Variants in GPC6 observed in about 807,000 individuals in gnomAD.
GPC6 encodes glypican 6, also known as glypican-6.
A neutral mutation model predicts 55.2 loss-of-function variants in GPC6; 14 were observed. That is an observed-to-expected ratio of 0.25 (90% confidence interval 0.17 to 0.40). GPC6 has a LOEUF of 0.40. Ranked by LOEUF, GPC6 falls within the 10% of genes least tolerant of loss-of-function variation. The pLI is 1.00. For synonymous variants in GPC6, 278 were observed against 259.6 expected (o/e 1.07, Z -0.68); for missense variants, 641 against 708.5 (o/e 0.90, Z 1.08).
chr13:93,338,953 G>C (rs17234404), intron 1 of GPC6, among the ~76,000 whole-genome samples: 15,313 of 152,120 alleles, frequency 0.1, 1,001 homozygotes, highest in South Asian at 0.23. Context: ...ATCTATTCTT[G>C]GTGCTGTTTT....
chr13:93,507,629 C>G (rs1880786200), intron 1 of GPC6, among the ~76,000 whole-genome samples: 1 of 152,116 alleles, frequency 6.6e-6, no homozygotes, highest in Admixed American at 6.5e-5. Flanking sequence ...GATAATTTGT[C>G]TTTTTATGTT....
chr13:93,360,050 A>G (rs2139176078), intron 1 of GPC6, among the ~76,000 whole-genome samples: 1 of 152,310 alleles, frequency 6.6e-6, no homozygotes, highest in African/African-American at 2.4e-5. Flanking sequence ...GAAACTCAGG[A>G]ACATGATTGT....
intron 1 of GPC6, among the ~76,000 whole-genome samples, chr13:93,434,993 C>T (rs1358742868): frequency 6.6e-6 from 1 of 152,220 alleles, no homozygotes; most frequent in Non-Finnish European, 1.5e-5. Context: ...GTGTGAGCCA[C>T]TATGCCCAGC....
intron 4 of GPC6, among the ~76,000 whole-genome samples, chr13:94,206,423 G>GT (rs1889903796): frequency 1.3e-5 from 2 of 151,956 alleles, no homozygotes; most frequent in African/African-American, 2.4e-5. Context: ...AGTAGTGTTC[G>GT]TTTAATTTTC....
chr13:94,256,263 G>A (rs933827649), intron 4 of GPC6, among the ~76,000 whole-genome samples: 5 of 152,178 alleles, frequency 3.3e-5, no homozygotes, highest in East Asian at 3.9e-4. Context: ...CAGGGCAGGG[G>A]AGTTCAAGTG....
intron 2 of GPC6, among the ~76,000 whole-genome samples, chr13:93,651,800 G>T (rs1178767371): frequency 6.6e-6 from 1 of 152,040 alleles, no homozygotes; most frequent in African/African-American, 2.4e-5. Context: ...TAAATCAATG[G>T]TTCTCAAACC....
chr13:94,373,887 A>C (rs1205069546), intron 6 of GPC6, among the ~76,000 whole-genome samples: 2 of 152,156 alleles, frequency 1.3e-5, no homozygotes, highest in Non-Finnish European at 2.9e-5. Context: ...CCTACAAGCC[A>C]GAAGAGAGTG....
At chr13:93,920,252 TC>T (rs1229023187) in intron 3 of GPC6, among the ~76,000 whole-genome samples, 2 of 152,158 alleles carry the variant, frequency 1.3e-5, no homozygotes, top group Non-Finnish European at 2.9e-5. Flanking sequence ...TTCACTTGTT[TC>T]TATTCTATTT....
intron 2 of GPC6, among the ~76,000 whole-genome samples, chr13:93,652,018 C>T (rs1880441198): frequency 1.3e-5 from 2 of 152,204 alleles, no homozygotes; most frequent in East Asian, 1.9e-4. Context: ...AACAAGATAA[C>T]CACCATAACC....
intron 4 of GPC6, among the ~76,000 whole-genome samples, chr13:94,114,731 A>G (rs537918328): frequency 1.3e-5 from 2 of 152,274 alleles, no homozygotes; most frequent in East Asian, 3.9e-4. Context: ...AAGGTGAAAA[A>G]GATAAGACCA....
intron 3 of GPC6, among the ~76,000 whole-genome samples, chr13:93,992,177 G>GTATA (rs143395246): frequency 0.025 from 3,694 of 146,286 alleles, 53 homozygotes; most frequent in African/African-American, 0.037. Flanking sequence ...AGATATGTGT[G>GTATA]TATATATATA....
At chr13:93,427,860 A>G (rs1306521328) in intron 1 of GPC6, among the ~76,000 whole-genome samples, 1 of 152,214 alleles carries the variant, frequency 6.6e-6, no homozygotes, top group Non-Finnish European at 1.5e-5. Flanking sequence ...CCACATGTAT[A>G]CAGATACCTA....
intron 6 of GPC6, among the ~76,000 whole-genome samples, chr13:94,317,848 TGA>T (rs1166656120): frequency 1.3e-5 from 2 of 152,108 alleles, no homozygotes; most frequent in Non-Finnish European, 2.9e-5. Context: ...TATGTGAGTG[TGA>T]GAGTGTGTGT....
At chr13:93,649,383 T>C (rs1042267448) in intron 2 of GPC6, among the ~76,000 whole-genome samples, 1 of 152,160 alleles carries the variant, frequency 6.6e-6, no homozygotes, top group African/African-American at 2.4e-5. Flanking sequence ...GCCAAGGACA[T>C]AGATGCTGCA....
At chr13:94,357,647 A>G (rs192616537) in intron 6 of GPC6, among the ~76,000 whole-genome samples, 117 of 152,118 alleles carry the variant, frequency 7.7e-4, no homozygotes, top group Middle Eastern at 3.4e-3. Context: ...CCATGTGTCT[A>G]TTTTCACTGG....
In GPC6 at chr13:93,566,159, C is replaced by G. The variant is rs145111515; in HGVS notation, c.319+20738C>G. ...GGAGAAATGAAGAGGCAGAGATATG[C>G]TGTAAAATTTTTATGTTTCCTTGTA... On this transcript the variant is annotated intron_variant, in intron 2 of 8. Coordinates refer to ENST00000377047, the MANE Select transcript of GPC6 (RefSeq NM_005708.5). 3.9e-5 allele frequency among the ~76,000 whole-genome samples: 6 copies of G among 152,264 alleles called. No individual in the cohort carries two copies. In the East Asian group the frequency reaches 1.2e-3, roughly 29 times the overall value.
chr13:94,368,147 CAAA>C (rs5805859), intron 6 of GPC6, among the ~76,000 whole-genome samples: 2 of 85,724 alleles, frequency 2.3e-5, no homozygotes. Context: ...GACTCTGTCT[CAAA>C]AAAAAAAAAA....
intron 1 of GPC6, among the ~76,000 whole-genome samples, chr13:93,388,577 TCTCA>T: frequency 6.6e-6 from 1 of 152,320 alleles, no homozygotes; most frequent in East Asian, 1.9e-4. Flanking sequence ...AGTAGCTTTC[TCTCA>T]AGCTGAGGTA....
chr13:94,198,830 C>T (rs1889662659), intron 4 of GPC6, among the ~76,000 whole-genome samples: 1 of 152,144 alleles, frequency 6.6e-6, no homozygotes, highest in African/African-American at 2.4e-5. Context: ...TTTGCTCAAC[C>T]CCCTGCCGGA....
Sources: gnomAD v4.1 joint callset for allele counts (sites outside exome capture counted in the v4.1 genomes callset) on GRCh38, gnomAD v4.1.1 for gene constraint, MANE v1.5 for transcripts, NCBI Gene and HGNC (gene_info 2026-07-23, HGNC 2026-07-21) for gene names.